C6orf89: variants seen among roughly 807,000 people sequenced by gnomAD.
C6orf89 encodes the protein bombesin receptor-activated protein C6orf89.
In C6orf89, 29 loss-of-function variants were observed where a neutral mutation model predicts 40.7. The ratio of observed to expected loss-of-function variants is 0.71; its 90% CI spans 0.53 to 0.97. The LOEUF is 0.97. Ranked by LOEUF, C6orf89 falls within the 50% of genes least tolerant of loss-of-function variation. The pLI is 0.00. For synonymous variants in C6orf89, 165 were observed against 152.2 expected (o/e 1.08, Z -0.62); for missense variants, 392 against 429.1 (o/e 0.91, Z 0.76).
At chr6:36,897,786 C>CGT (rs1305469198) in intron 2 of C6orf89, among the ~76,000 whole-genome samples, 2 of 152,274 alleles carry the variant, frequency 1.3e-5, no homozygotes, top group Admixed American at 1.3e-4. Context: ...GGTGTGCTGG[C>CGT]GTGCGCTGGG....
At position 36,916,656 on chromosome 6, in the gene C6orf89, C is replaced by T. The variant is rs1488436347; in HGVS notation, c.825+82C>T. 1.8e-5 allele frequency: 28 copies of T among 1,549,464 alleles called. No individual in the cohort carries two copies. In the East Asian group the frequency reaches 5.0e-4, roughly 27 times the overall value. ...GATGTCATAACCAAGGCCTTCCCTG[C>T]ATATTGGCTTAGAGGGTTACAGGGT... On this transcript the variant is annotated intron_variant, in intron 7 of 8. Coordinates refer to ENST00000480824, the MANE Select transcript of C6orf89 (RefSeq NM_001286635.2).
At position 36,914,269 on chromosome 6, in the gene C6orf89, C is replaced by T; in HGVS notation, c.404-15C>T. 3.7e-6 allele frequency: 6 copies of T among 1,609,400 alleles called. No homozygotes were observed. The highest frequency in any genetic ancestry group is 5.1e-6 in the Non-Finnish European group (6 of 1,177,428). On this transcript the variant is annotated splice_polypyrimidine_tract_variant and intron_variant, in intron 4 of 8. Coordinates refer to ENST00000480824, the MANE Select transcript of C6orf89 (RefSeq NM_001286635.2). ...CTTTCAGTATCTGTTTTCTCCATAT[C>T]CCTTCCTCTCTCAGACTTTGACCCC...
At chr6:36,910,635 G>A (rs936901648) in intron 4 of C6orf89, among the ~76,000 whole-genome samples, 3 of 152,050 alleles carry the variant, frequency 2.0e-5, no homozygotes, top group African/African-American at 7.2e-5. Context: ...GGCTGAGGTG[G>A]GAGGATGACT....
intron 1 of C6orf89, among the ~76,000 whole-genome samples, chr6:36,878,707 A>G (rs903659628): frequency 1.3e-5 from 2 of 152,214 alleles, no homozygotes; most frequent in South Asian, 4.1e-4. Context: ...TACCTGTAAC[A>G]ATAGCTGAAT....
chr6:36,923,082 G>T (rs1353018932), intron 8 of C6orf89, among the ~76,000 whole-genome samples: 1 of 152,122 alleles, frequency 6.6e-6, no homozygotes. Context: ...TGTAATCTCA[G>T]CACTCTGGGA....
intron 7 of C6orf89, 56 bp from the exon 8 acceptor site, chr6:36,919,522 G>GT: frequency 1.3e-6 from 2 of 1,571,804 alleles, no homozygotes; most frequent in Non-Finnish European, 1.7e-6. Context: ...AAACCCCCTG[G>GT]TTTTATTTCG....
chr6:36,876,705 C>T (rs867792178), intron 1 of C6orf89, among the ~76,000 whole-genome samples: 8 of 93,840 alleles, frequency 8.5e-5, no homozygotes, highest in Non-Finnish European at 1.5e-4. Flanking sequence ...CCCTGCACAA[C>T]AAAAGTGAAA....
chr6:36,914,126 C>T (rs2150709312), intron 4 of C6orf89, among the ~76,000 whole-genome samples, 158 bp from the exon 5 acceptor site: 1 of 152,322 alleles, frequency 6.6e-6, no homozygotes, highest in South Asian at 2.1e-4. Flanking sequence ...CACCACTGCA[C>T]TCCAGCCTGG....
At chr6:36,888,233 G>T (rs1775067481) in intron 1 of C6orf89, among the ~76,000 whole-genome samples, 1 of 152,178 alleles carries the variant, frequency 6.6e-6, no homozygotes, top group Non-Finnish European at 1.5e-5. Flanking sequence ...TTTGCATCCA[G>T]CTTTTTCCAA....
chr6:36,884,701 AT>A (rs926955859), upstream of C6orf89, among the ~76,000 whole-genome samples: 8 of 151,932 alleles, frequency 5.3e-5, no homozygotes, highest in African/African-American at 1.4e-4. The surrounding 1 kb of genome is among the most constrained non-coding windows in gnomAD (Gnocchi z 4.0). Context: ...AAAGTGAGGA[AT>A]TTTTTTTTAA....
intron 2 of C6orf89, among the ~76,000 whole-genome samples, chr6:36,894,955 A>C (rs1761368613): frequency 6.6e-6 from 1 of 152,196 alleles, no homozygotes; most frequent in Non-Finnish European, 1.5e-5. Flanking sequence ...TAGACCAAGT[A>C]ATTTAACCGA....
chr6:36,874,847 T>C, intron 1 of C6orf89: 1 of 1,522,748 alleles, frequency 6.6e-7, no homozygotes, highest in Non-Finnish European at 9.0e-7. Context: ...CCGTCGCTGC[T>C]GCACACTTCC....
intron 7 of C6orf89, among the ~76,000 whole-genome samples, chr6:36,919,303 G>A (rs1418977762): frequency 6.6e-6 from 1 of 152,156 alleles, no homozygotes; most frequent in East Asian, 1.9e-4. Flanking sequence ...CTCGTTGAGG[G>A]TATTGCCCAC....
upstream of C6orf89, chr6:36,885,919 G>A (rs1231766609): frequency 1.5e-5 from 16 of 1,038,138 alleles, no homozygotes; most frequent in African/African-American, 3.4e-5. Context: ...GCCCAGGAGT[G>A]GGGGGTTGCT....
intron 1 of C6orf89, chr6:36,892,901 C>T (rs901095869): frequency 6.6e-6 from 1 of 152,162 alleles, no homozygotes; most frequent in Non-Finnish European, 1.5e-5. Flanking sequence ...ACTCAATCCT[C>T]TCATGCTTGA....
Position 36,902,324 on chromosome 6 carries a change from G to A in C6orf89, c.293G>A (p.Arg98His), listed in dbSNP as rs756710967. The A allele has an allele frequency of 1.4e-5, 22 of 1,613,978 alleles. No individual in the cohort carries two copies. Among genetic ancestry groups the A allele is most frequent in the South Asian group, 1.2e-4 (11 of 91,080 alleles). Residue 98 changes from arginine (R) to histidine (H), a missense_variant, in exon 4 of 9, where the codon CGC becomes CAC. By Grantham distance (29) the Arg-to-His change is conservative. Coordinates refer to ENST00000480824, the MANE Select transcript of C6orf89 (RefSeq NM_001286635.2). The part of the protein sequence containing the change: ...EPVLSGAHTW[R>H]SLIHHIRLMS... ...GTGCTTTCTGGAGCTCACACCTGGC[G>A]CTCACTCATCCATCACATTAGGCTG...
At chr6:36,908,629 G>C (rs1762012963) in intron 4 of C6orf89, among the ~76,000 whole-genome samples, 1 of 152,040 alleles carries the variant, frequency 6.6e-6, no homozygotes. Flanking sequence ...ACATACAAAA[G>C]ATCTCATATA....
intron 2 of C6orf89, among the ~76,000 whole-genome samples, chr6:36,895,417 T>G (rs1006144039): frequency 2.0e-5 from 3 of 152,148 alleles, no homozygotes; most frequent in Non-Finnish European, 1.5e-5. Context: ...GTGAAAAGAA[T>G]GTGGGGTCGA....
At chr6:36,882,743 TTTTTTG>T, upstream of C6orf89, among the ~76,000 whole-genome samples, 1 of 126,008 alleles carries the variant, frequency 7.9e-6, no homozygotes. Context: ...TCTTTTTTTT[TTTTTTG>T]AGACGGAGTC....
Sources: allele counts gnomAD v4.1 joint callset (sites outside exome capture counted in the v4.1 genomes callset), GRCh38; gene constraint gnomAD v4.1.1; non-coding constraint Gnocchi (gnomAD v3.1); transcripts MANE v1.5; gene names NCBI Gene and HGNC (gene_info 2026-07-23, HGNC 2026-07-21).